Variants in LHFPL3 observed in about 807,000 individuals in gnomAD.
LHFPL3 encodes the protein LHFPL tetraspan subfamily member 3, also known as LHFPL tetraspan subfamily member 3 protein.
A neutral mutation model predicts 19.3 loss-of-function variants in LHFPL3; 5 were observed. That is an observed-to-expected ratio of 0.26 (90% CI 0.14 to 0.54). The LOEUF is 0.54. Ranked by LOEUF, LHFPL3 falls within the 20% of genes least tolerant of loss-of-function variation. LHFPL3 has a pLI of 0.94. For synonymous variants in LHFPL3, 133 were observed against 126.2 expected (o/e 1.05, Z -0.36); for missense variants, 249 against 307.4 (o/e 0.81, Z 1.42).
At chr7:104,639,656 G>A (rs1791792596) in intron 1 of LHFPL3, among the ~76,000 whole-genome samples, 1 of 152,086 alleles carries the variant, frequency 6.6e-6, no homozygotes, top group South Asian at 2.1e-4. Flanking sequence ...ATAAAGAAAA[G>A]TATTTTGGGA....
chr7:104,807,733 C>T (rs1189048909), intron 2 of LHFPL3, among the ~76,000 whole-genome samples: 1 of 152,220 alleles, frequency 6.6e-6, no homozygotes, highest in East Asian at 1.9e-4. Context: ...CTGAGTCTGG[C>T]TCCCCTCTGT....
chr7:104,392,202 G>A (rs1296735724), intron 1 of LHFPL3, among the ~76,000 whole-genome samples: 1 of 151,744 alleles, frequency 6.6e-6, no homozygotes, highest in Non-Finnish European at 1.5e-5. Context: ...GATTGCCCTG[G>A]CCAGAACTTC....
intron 1 of LHFPL3, among the ~76,000 whole-genome samples, chr7:104,665,582 T>G (rs1395610643): frequency 6.6e-6 from 1 of 152,218 alleles, no homozygotes; most frequent in Non-Finnish European, 1.5e-5. Context: ...CTGAGTTGTA[T>G]CCAAGGCAGC....
chr7:104,715,230 A>AT (rs1311750838), intron 1 of LHFPL3, among the ~76,000 whole-genome samples: 2 of 152,188 alleles, frequency 1.3e-5, no homozygotes, highest in Non-Finnish European at 2.9e-5. Flanking sequence ...ATATATGTGT[A>AT]TGTGTATGTA....
intron 1 of LHFPL3, among the ~76,000 whole-genome samples, chr7:104,329,851 A>G (rs1801536907): frequency 6.6e-6 from 1 of 152,150 alleles, no homozygotes; most frequent in South Asian, 2.1e-4. Context: ...ATTCTTTCGC[A>G]ATTCCTCAAT....
intron 2 of LHFPL3, among the ~76,000 whole-genome samples, chr7:104,750,604 C>T (rs957260231): frequency 1.7e-4 from 26 of 152,180 alleles, no homozygotes; most frequent in Admixed American, 6.5e-5. Context: ...AGGCAGTGGG[C>T]CATATACCCC....
intron 1 of LHFPL3, among the ~76,000 whole-genome samples, chr7:104,723,126 T>C (rs1793518675): frequency 6.6e-6 from 1 of 152,214 alleles, no homozygotes; most frequent in African/African-American, 2.4e-5. Flanking sequence ...AGAGGTTACA[T>C]TCAGCTCTTT....
intron 2 of LHFPL3, among the ~76,000 whole-genome samples, chr7:104,862,649 CCT>C (rs771012709): frequency 6.6e-6 from 1 of 152,144 alleles, no homozygotes; most frequent in Admixed American, 6.6e-5. Flanking sequence ...TGCCCAAACC[CCT>C]GACTGGGTAC....
chr7:104,349,353 G>A (rs1790133020), intron 1 of LHFPL3, among the ~76,000 whole-genome samples: 1 of 152,010 alleles, frequency 6.6e-6, no homozygotes, highest in Admixed American at 6.6e-5. Flanking sequence ...TAAACCCCAA[G>A]AAATAAGAAA....
At chr7:104,879,241 C>T (rs1482071958) in intron 2 of LHFPL3, among the ~76,000 whole-genome samples, 1 of 151,982 alleles carries the variant, frequency 6.6e-6, no homozygotes, top group Admixed American at 6.6e-5. Context: ...ATATGCGAGA[C>T]CCCATCTCTA....
At chr7:104,814,693 C>T (rs1338759361) in intron 2 of LHFPL3, among the ~76,000 whole-genome samples, 1 of 152,220 alleles carries the variant, frequency 6.6e-6, no homozygotes, top group African/African-American at 2.4e-5. Flanking sequence ...CCAAGCTTCC[C>T]TCATCTCACC....
chr7:104,348,715 A>C (rs1447261503), intron 1 of LHFPL3, among the ~76,000 whole-genome samples: 3 of 152,232 alleles, frequency 2.0e-5, no homozygotes. Flanking sequence ...TCAGGGTAGC[A>C]ACTATAAAAT....
intron 1 of LHFPL3, among the ~76,000 whole-genome samples, chr7:104,382,961 G>A (rs570544650): frequency 5.6e-4 from 19 of 34,218 alleles, no homozygotes; most frequent in African/African-American, 4.9e-3. Context: ...GTAGTCCTGA[G>A]AGATAAGTAC....
intron 1 of LHFPL3, among the ~76,000 whole-genome samples, chr7:104,608,075 G>A (rs1376009304): frequency 6.6e-6 from 1 of 152,152 alleles, no homozygotes; most frequent in African/African-American, 2.4e-5. Context: ...AACCATTGTG[G>A]AAGTCACTGC....
chr7:104,368,505 G>A (rs763015387), intron 1 of LHFPL3, among the ~76,000 whole-genome samples: 2 of 152,222 alleles, frequency 1.3e-5, no homozygotes, highest in South Asian at 4.1e-4. Context: ...TCTGCGGCGC[G>A]TAATCTCCTC....
chr7:104,539,041 C>A (rs972439029), intron 1 of LHFPL3, among the ~76,000 whole-genome samples: 1 of 152,152 alleles, frequency 6.6e-6, no homozygotes, highest in Non-Finnish European at 1.5e-5. Context: ...ATGGCCTCTA[C>A]AAGCTAGGAG....
At chr7:104,367,314 C>T (rs1189862611) in intron 1 of LHFPL3, among the ~76,000 whole-genome samples, 2 of 152,192 alleles carry the variant, frequency 1.3e-5, no homozygotes, top group South Asian at 2.1e-4. Context: ...TTCCTTTGGA[C>T]TGTAAACATC....
chr7:104,535,607 C>T (rs1214778029), intron 1 of LHFPL3, among the ~76,000 whole-genome samples: 2 of 152,124 alleles, frequency 1.3e-5, no homozygotes, highest in African/African-American at 4.8e-5. Context: ...TATTGAAAGG[C>T]ACAGAACACC....
intron 1 of LHFPL3, among the ~76,000 whole-genome samples, chr7:104,497,153 G>A (rs892215522): frequency 2.0e-5 from 3 of 149,756 alleles, no homozygotes; most frequent in African/African-American, 5.1e-5. Flanking sequence ...TATCGTTCTC[G>A]AGTTTGACTG....
Sources: gnomAD v4.1 joint callset for allele counts (sites outside exome capture counted in the v4.1 genomes callset) on GRCh38, gnomAD v4.1.1 for gene constraint, MANE v1.5 for transcripts, NCBI Gene and HGNC (gene_info 2026-07-23, HGNC 2026-07-21) for gene names.